Variants in OSBPL11 observed in about 807,000 individuals in gnomAD.
OSBPL11 encodes the protein oxysterol binding protein like 11, also known as oxysterol-binding protein-related protein 11.
A neutral mutation model predicts 84.4 loss-of-function variants in OSBPL11; 33 were observed. That is an observed-to-expected ratio of 0.39 (90% CI 0.30 to 0.52). The LOEUF is 0.52. Ranked by LOEUF, OSBPL11 falls within the 20% of genes least tolerant of loss-of-function variation. The pLI is 0.72. For synonymous variants in OSBPL11, 276 were observed against 310.2 expected (o/e 0.89, Z 1.16); for missense variants, 736 against 901.1 (o/e 0.82, Z 2.35).
At chr3:125,577,686 G>A (rs1343646990) in intron 4 of OSBPL11, among the ~76,000 whole-genome samples, 7 of 152,150 alleles carry the variant, frequency 4.6e-5, no homozygotes, top group South Asian at 2.1e-4. Context: ...AAAATTAGCC[G>A]GGCGTGGTGG....
Position 125,547,428 on chromosome 3 carries a change from A to G in OSBPL11, c.1819T>C (p.Phe607Leu). The change falls in exon 10 of 13, where the codon TTT becomes CTT. Residue 607 changes from phenylalanine (F) to leucine (L), a missense_variant. Around this residue, in one of 3 missense-constraint regions of OSBPL11, gnomAD observed 579 missense variants for 717.6 expected, o/e 0.81. Transcript: ENST00000296220. ...TACCGATGCAGTTTGCCACCATAAA[A>G]TGGCTTGGTATGAAAAGTGATGCTG... Reference protein sequence around the residue: ...SASITFHTKPFYGGKLHRVTA... With the variant: ...SASITFHTKPLYGGKLHRVTA... 6.2e-7 allele frequency: 1 copy of G among 1,613,666 alleles called. No homozygotes were observed. Among genetic ancestry groups the G allele is most frequent in the Non-Finnish European group, 8.5e-7 (1 of 1,179,884 alleles).
chr3:125,535,802 T>G (rs898575912), intron 11 of OSBPL11, among the ~76,000 whole-genome samples: 1 of 150,964 alleles, frequency 6.6e-6, no homozygotes, highest in Non-Finnish European at 1.5e-5. Flanking sequence ...TGCCCATACA[T>G]TCAATCTGTG....
chr3:125,564,155 C>A (rs1333896941), intron 6 of OSBPL11, among the ~76,000 whole-genome samples: 1 of 152,164 alleles, frequency 6.6e-6, no homozygotes, highest in Non-Finnish European at 1.5e-5. Context: ...GATTTGTTGT[C>A]TTTGTCCCTC....
In OSBPL11 at chr3:125,594,833, C is replaced by T. The variant is rs772412242; in HGVS notation, c.-33G>A. 8.1e-6 allele frequency: 13 copies of T among 1,602,530 alleles called. No individual in the cohort carries two copies. The South Asian group carries it at 1.4e-4, about 18-fold the overall frequency. On this transcript the variant is annotated 5_prime_UTR_variant, in exon 1 of 13. Coordinates refer to ENST00000296220, the MANE Select transcript of OSBPL11 (RefSeq NM_022776.5). ...CCAAAGTCCACTTGCCCTTCTTGAG[C>T]GGGAGAGAACAATTCTGTAGTTCTG...
chr3:125,538,315 T>G, intron 11 of OSBPL11, 136 bp downstream of exon 11: 1 of 729,706 alleles, frequency 1.4e-6, no homozygotes, highest in African/African-American at 1.8e-5. Context: ...TAACAACAGA[T>G]CAGACTAATG....
chr3:125,567,375 C>A lies in OSBPL11; in HGVS notation c.868+19G>T. On this transcript the variant is annotated intron_variant, in intron 6 of 12. Coordinates refer to ENST00000296220, the MANE Select transcript of OSBPL11 (RefSeq NM_022776.5). ...TGTTGGCCTTCATTGTGAAGCCCTA[C>A]CTTTAATCGACAACTTACCTGAAGG... The A allele has an allele frequency of 3.8e-6, 6 of 1,591,404 alleles. No individual in the cohort carries two copies. The highest frequency in any genetic ancestry group is 1.3e-5 in the African/African-American group (1 of 74,470).
chr3:125,579,777 T>A, intron 3 of OSBPL11, 88 bp downstream of exon 3: 1 of 1,196,802 alleles, frequency 8.4e-7, no homozygotes, highest in Non-Finnish European at 1.2e-6. Flanking sequence ...CAGTTTCTAT[T>A]TCCAAAGCCC....
At chr3:125,555,282 T>A (rs1935977574) in intron 8 of OSBPL11, among the ~76,000 whole-genome samples, 1 of 152,140 alleles carries the variant, frequency 6.6e-6, no homozygotes, top group South Asian at 2.1e-4. Flanking sequence ...ACTTTTGAGG[T>A]TTGGGGACTC....
intron 9 of OSBPL11, among the ~76,000 whole-genome samples, chr3:125,551,540 G>A (rs1327377914): frequency 6.6e-6 from 1 of 152,080 alleles, no homozygotes; most frequent in Non-Finnish European, 1.5e-5. Context: ...AGGCCGAGGT[G>A]GGTGGATCAT....
chr3:125,587,658 A>G (rs1379309133), intron 1 of OSBPL11, among the ~76,000 whole-genome samples: 1 of 152,228 alleles, frequency 6.6e-6, no homozygotes, highest in Non-Finnish European at 1.5e-5. Context: ...TCTGTGGTCA[A>G]GAATATTCAG....
At chr3:125,537,477 T>C (rs1194501726) in intron 11 of OSBPL11, among the ~76,000 whole-genome samples, 1 of 150,578 alleles carries the variant, frequency 6.6e-6, no homozygotes, top group Non-Finnish European at 1.5e-5. Context: ...CCAACAGGGG[T>C]CTGCAAAGCA....
At chr3:125,535,769 C>T (rs576293865) in intron 11 of OSBPL11, among the ~76,000 whole-genome samples, 16 of 151,834 alleles carry the variant, frequency 1.1e-4, no homozygotes, top group Admixed American at 2.0e-4. Context: ...GCCACCACAC[C>T]GGCCCAGAAG....
intron 1 of OSBPL11, among the ~76,000 whole-genome samples, chr3:125,587,172 G>A (rs1333190712): frequency 6.6e-6 from 1 of 152,178 alleles, no homozygotes. Context: ...TGAGTGAGAA[G>A]GCTGAAATGA....
rs1214902651 is a variant in OSBPL11, at chr3:125,550,398, CACACACACAA to C, written c.1654+1773_1654+1782del. ...ACACACACACACACACACACACACA[CACACACACAA>C]CAAACAAAAAAAAAAAAAGAGAGTA... On this transcript the variant is annotated intron_variant, in intron 9 of 12. Transcript: ENST00000296220. Among the ~76,000 whole-genome samples, 14 of 145,114 alleles carry C rather than the reference CACACACACAA, an allele frequency of 9.6e-5. No homozygotes were observed. The South Asian group carries it at 2.6e-3, about 27-fold the overall frequency.
chr3:125,582,106 G>A (rs961842377), intron 2 of OSBPL11, among the ~76,000 whole-genome samples: 41 of 152,062 alleles, frequency 2.7e-4, no homozygotes, highest in African/African-American at 8.0e-4. Flanking sequence ...AGGCCAAGAC[G>A]GGTAGATCAC....
At chr3:125,561,272 A>G (rs1936074010) in intron 7 of OSBPL11, among the ~76,000 whole-genome samples, 1 of 152,262 alleles carries the variant, frequency 6.6e-6, no homozygotes, top group East Asian at 1.9e-4. Context: ...TGCTGGGATT[A>G]TAGGCATGAG....
intron 9 of OSBPL11, among the ~76,000 whole-genome samples, chr3:125,551,305 G>T (rs1405313104): frequency 1.3e-5 from 2 of 150,318 alleles, no homozygotes; most frequent in Admixed American, 1.3e-4. Context: ...TAAAAAGCAG[G>T]ACTCAAAACT....
At chr3:125,575,533 GTTTT>G (rs1489093250) in intron 5 of OSBPL11, among the ~76,000 whole-genome samples, 1 of 151,374 alleles carries the variant, frequency 6.6e-6, no homozygotes, top group Non-Finnish European at 1.5e-5. Context: ...ACCACTGTTT[GTTTT>G]TTTATTTTTT....
At chr3:125,537,108 C>T (rs1277605382) in intron 11 of OSBPL11, among the ~76,000 whole-genome samples, 3 of 143,690 alleles carry the variant, frequency 2.1e-5, no homozygotes, top group Non-Finnish European at 3.0e-5. Context: ...TGCAGGGAGC[C>T]GAGATCGCCC....
Sources: allele counts gnomAD v4.1 joint callset (sites outside exome capture counted in the v4.1 genomes callset), GRCh38; gene constraint gnomAD v4.1.1; regional missense constraint gnomAD v4.1.1; transcripts MANE v1.5; gene names NCBI Gene and HGNC (gene_info 2026-07-23, HGNC 2026-07-21).